RDX: variants seen among roughly 807,000 people sequenced by gnomAD.
The protein encoded by RDX is deafness, autosomal recessive 24.
Under a neutral mutation model 83.7 loss-of-function variants are expected in RDX, and 32 were observed. The ratio of observed to expected loss-of-function variants is 0.38; its 90% CI spans 0.29 to 0.51. The LOEUF (loss-of-function observed/expected upper bound fraction) is 0.51, where lower values mean the gene tolerates loss of function less well. Ranked by LOEUF, RDX falls within the 20% of genes least tolerant of loss-of-function variation. RDX has a pLI of 0.87. For missense variants in RDX, 600 were observed against 689.9 expected (o/e 0.87, Z 1.46); for synonymous variants, 229 against 222.7 (o/e 1.03, Z -0.25).
At chr11:110,186,464 CTTCT>C (rs1287408244) in intron 15 of RDX, among the ~76,000 whole-genome samples, 2 of 152,024 alleles carry the variant, frequency 1.3e-5, no homozygotes, top group Non-Finnish European at 2.9e-5. Context: ...GAATTACAGG[CTTCT>C]AGCATGCCTC....
At chr11:110,293,786 A>C (rs1861338942) in intron 1 of RDX, among the ~76,000 whole-genome samples, 1 of 152,236 alleles carries the variant, frequency 6.6e-6, no homozygotes, top group African/African-American at 2.4e-5. Flanking sequence ...AATTATATTT[A>C]TCTACACCTT....
intron 5 of RDX, among the ~76,000 whole-genome samples, chr11:110,261,308 C>G (rs1859794894): frequency 6.6e-6 from 1 of 152,146 alleles, no homozygotes; most frequent in Non-Finnish European, 1.5e-5. Flanking sequence ...AAGTCAGAAA[C>G]CTGGTATGTA....
intron 9 of RDX, among the ~76,000 whole-genome samples, chr11:110,250,503 C>G (rs1348182000): frequency 6.6e-6 from 1 of 152,144 alleles, no homozygotes; most frequent in African/African-American, 2.4e-5. Flanking sequence ...AGAAGTCTAC[C>G]ATCATATTCC....
chr11:110,264,771 T>G lies in RDX; in HGVS notation c.192+8A>C. The G allele has an allele frequency of 6.4e-7, 1 of 1,570,772 alleles. No homozygotes were observed. Among genetic ancestry groups the G allele is most frequent in the Non-Finnish European group, 8.8e-7 (1 of 1,142,040 alleles). Reference sequence around the variant, plus strand: ...ATTATTAGTTTAATGTTATCGTACATATTTTACCTTTTTATTTAGTTTAAG... The same window carrying G: ...ATTATTAGTTTAATGTTATCGTACAGATTTTACCTTTTTATTTAGTTTAAG... On this transcript the variant is annotated splice_region_variant and intron_variant, in intron 4 of 13. Transcript: ENST00000645495.
At chr11:110,269,956 C>CGCTT (rs892196906) in intron 3 of RDX, among the ~76,000 whole-genome samples, 2 of 152,028 alleles carry the variant, frequency 1.3e-5, no homozygotes, top group Non-Finnish European at 2.9e-5. Flanking sequence ...GTGGGAGGAT[C>CGCTT]GCTTGAGCCT....
intron 1 of RDX, among the ~76,000 whole-genome samples, chr11:110,282,144 C>T (rs1017515340): frequency 2.6e-5 from 4 of 152,030 alleles, no homozygotes; most frequent in African/African-American, 9.7e-5. Flanking sequence ...AAAATTGCTT[C>T]ATCTCACATT....
At chr11:110,233,102 A>T in intron 13 of RDX, 135 bp downstream of exon 13, 1 of 1,038,940 alleles carries the variant, frequency 9.6e-7, no homozygotes, top group Non-Finnish European at 1.5e-6. Flanking sequence ...ACATGACTAT[A>T]GGCCAAACAC....
chr11:110,267,286 C>G (rs938198684), intron 3 of RDX, among the ~76,000 whole-genome samples: 1 of 151,616 alleles, frequency 6.6e-6, no homozygotes, highest in Admixed American at 6.6e-5. Flanking sequence ...GCCAAGGCAG[C>G]TAGATCACTT....
intron 2 of RDX, among the ~76,000 whole-genome samples, chr11:110,278,591 T>G (rs957464508): frequency 3.9e-5 from 6 of 152,152 alleles, no homozygotes; most frequent in African/African-American, 1.2e-4. Context: ...ATCTTGCATC[T>G]GGCAATCTTG....
At chr11:110,246,718 C>A (rs1468373870) in intron 10 of RDX, among the ~76,000 whole-genome samples, 7 of 149,574 alleles carry the variant, frequency 4.7e-5, no homozygotes. Flanking sequence ...CCACTGTACT[C>A]CAGCACAGAT....
At chr11:110,223,834 G>C (rs537436686) in intron 14 of RDX, among the ~76,000 whole-genome samples, 1 of 152,270 alleles carries the variant, frequency 6.6e-6, no homozygotes, top group African/African-American at 2.4e-5. Context: ...CGGAGGCCGA[G>C]GTGGGCAGAT....
chr11:110,255,199 T>A, intron 8 of RDX, 90 bp downstream of exon 8: 1 of 732,560 alleles, frequency 1.4e-6, no homozygotes, highest in Non-Finnish European at 2.4e-6. Context: ...AGCAATTTAA[T>A]AAATGAACAC....
At chr11:110,199,451 A>G in intron 15 of RDX, 1 of 621,906 alleles carries the variant, frequency 1.6e-6, no homozygotes. Flanking sequence ...CTTTGACTTG[A>G]AATCCACAGG....
At chr11:110,199,103 C>T (rs888094806) in intron 15 of RDX, among the ~76,000 whole-genome samples, 2 of 152,104 alleles carry the variant, frequency 1.3e-5, no homozygotes, top group Non-Finnish European at 2.9e-5. Context: ...GCATGAGCTA[C>T]CGCACCAGGC....
intron 14 of RDX, among the ~76,000 whole-genome samples, chr11:110,219,998 T>C (rs565501565): frequency 3.9e-5 from 6 of 152,264 alleles, no homozygotes; most frequent in African/African-American, 9.6e-5. Flanking sequence ...CCTCACTTAT[T>C]CATAACACAC....
chr11:110,272,981 C>A (rs566821106), intron 2 of RDX: 17 of 457,348 alleles, frequency 3.7e-5, no homozygotes, highest in African/African-American at 6.0e-5. Flanking sequence ...AGTCCCAGCA[C>A]TTTGGAAGGC....
At chr11:110,225,292 A>G (rs1343739799), downstream of RDX, among the ~76,000 whole-genome samples, 1 of 152,214 alleles carries the variant, frequency 6.6e-6, no homozygotes, top group Non-Finnish European at 1.5e-5. Flanking sequence ...ACACTATATC[A>G]AGGGCAAAAA....
At chr11:110,204,033 C>T (rs760234044) in intron 14 of RDX, among the ~76,000 whole-genome samples, 39 of 145,792 alleles carry the variant, frequency 2.7e-4, no homozygotes, top group Admixed American at 6.9e-4. Context: ...CAGAGTGAGA[C>T]CCCATCTCAA....
chr11:110,216,612 A>C (rs1158708213), intron 14 of RDX, among the ~76,000 whole-genome samples: 2 of 150,996 alleles, frequency 1.3e-5, no homozygotes, highest in Non-Finnish European at 2.9e-5. Flanking sequence ...TCCTGGCGTC[A>C]AGTGATCCTC....
Sources: allele counts gnomAD v4.1 joint callset (sites outside exome capture counted in the v4.1 genomes callset), GRCh38; gene constraint gnomAD v4.1.1; transcripts MANE v1.5; gene names NCBI Gene and HGNC (gene_info 2026-07-23, HGNC 2026-07-21).